MS4A1: variants seen among roughly 807,000 people sequenced by gnomAD.
The protein encoded by MS4A1 is membrane spanning 4-domains A1, also known as B-lymphocyte antigen CD20.
Under a neutral mutation model 26.5 loss-of-function variants are expected in MS4A1, and 16 were observed. That is an observed-to-expected ratio of 0.60 (90% CI 0.41 to 0.92). MS4A1 has a LOEUF of 0.92. MS4A1 is among the 40% of genes least tolerant of loss of function. MS4A1 has a pLI of 0.00. For synonymous variants in MS4A1, 128 were observed against 117.6 expected (o/e 1.09, Z -0.57); for missense variants, 350 against 353.0 (o/e 0.99, Z 0.07).
intron 1 of MS4A1, among the ~76,000 whole-genome samples, chr11:60,459,820 T>C (rs1187050766): frequency 6.6e-6 from 1 of 152,198 alleles, no homozygotes; most frequent in Non-Finnish European, 1.5e-5. Context: ...TGATTTATAG[T>C]CATTCACATA....
rs1013441981 is a variant in MS4A1, at chr11:60,468,655, C to T, written c.*187C>T. On this transcript the variant is annotated 3_prime_UTR_variant, in exon 8 of 8. Transcript: ENST00000345732. ...GTAGAGAATGTAGCCATTGTAGCAG[C>T]TTGTGTTGTCACGCTTCTTCTTTTG... 4.8e-6 allele frequency: 3 copies of T among 630,804 alleles called. No individual in the cohort carries two copies. The highest frequency in any genetic ancestry group is 5.6e-6 in the Non-Finnish European group (2 of 359,830). 39.1% of individuals were successfully genotyped at this position (630,804 alleles called of 1,614,324 possible).
chr11:60,462,978 C>G, intron 3 of MS4A1, 24 bp from the exon 4 acceptor site: 1 of 1,612,532 alleles, frequency 6.2e-7, no homozygotes, highest in Non-Finnish European at 8.5e-7. Context: ...AGCTCATCCA[C>G]TGCTGCCTCT....
chr11:60,458,333 G>C (rs1387564931), intron 1 of MS4A1: 3 of 152,214 alleles, frequency 2.0e-5, no homozygotes, highest in Admixed American at 2.0e-4. Context: ...AAACTTCTCA[G>C]TACATGATGG....
At chr11:60,457,586 T>C (rs910520555) in intron 1 of MS4A1, among the ~76,000 whole-genome samples, 1 of 152,196 alleles carries the variant, frequency 6.6e-6, no homozygotes, top group Non-Finnish European at 1.5e-5. Context: ...GGCCACTGAC[T>C]GACCAACAGC....
rs2086269664 is a variant in MS4A1 at position 60,463,946 on chromosome 11, A to G, written c.280-342A>G. Reference sequence around the variant, plus strand: ...AAGGGCAGTTCCACAAGTTAAAAACAAAGAAAAACTAGAAATAAAACTTTT... The same window carrying G: ...AAGGGCAGTTCCACAAGTTAAAAACGAAGAAAAACTAGAAATAAAACTTTT... On this transcript the variant is annotated intron_variant, in intron 4 of 7. Coordinates refer to ENST00000345732, the MANE Select transcript of MS4A1 (RefSeq NM_152866.3). 4 of 371,892 alleles carry G rather than the reference A, an allele frequency of 1.1e-5. No homozygotes were observed. In the Admixed American group the frequency reaches 1.5e-4, roughly 14 times the overall value. 23.0% of individuals were successfully genotyped at this position (371,892 alleles called of 1,614,324 possible). A position where few individuals can be genotyped will look rare whatever the true frequency, so the allele number is the denominator to read the frequency against.
At chr11:60,467,765 G>T (rs1307870284) in intron 7 of MS4A1, among the ~76,000 whole-genome samples, 1 of 151,920 alleles carries the variant, frequency 6.6e-6, no homozygotes, top group African/African-American at 2.4e-5. Context: ...CAAAACAACA[G>T]GTTAAAGGGC....
chr11:60,460,340 C>T (rs1160045225), intron 1 of MS4A1, among the ~76,000 whole-genome samples: 2 of 152,208 alleles, frequency 1.3e-5, no homozygotes, highest in African/African-American at 4.8e-5. Context: ...TTCTATAAAA[C>T]ACAGGTGATG....
intron 6 of MS4A1, 141 bp downstream of exon 6, chr11:60,466,298 C>T (rs773308150): frequency 1.3e-6 from 1 of 770,702 alleles, no homozygotes; most frequent in Non-Finnish European, 2.3e-6. Flanking sequence ...GAATTTTAAC[C>T]ACACTGTGCC....
chr11:60,459,799 T>C (rs1473283840), intron 1 of MS4A1, among the ~76,000 whole-genome samples: 1 of 152,194 alleles, frequency 6.6e-6, no homozygotes, highest in Non-Finnish European at 1.5e-5. Flanking sequence ...AGACAGATAA[T>C]ACTTTTCAAC....
rs917874598 is a variant in MS4A1 at position 60,462,400 on chromosome 11, A to C, written c.26A>C (p.Asn9Thr). 6.2e-7 allele frequency: 1 copy of C among 1,614,060 alleles called. No individual in the cohort carries two copies. The highest frequency in any genetic ancestry group is 8.5e-7 in the Non-Finnish European group (1 of 1,180,046). MTTPRNSV[N>T]GTFPAEPMKG... ...ATGACAACACCCAGAAATTCAGTAAATGGGACTTTCCCGGCAGAGCCAATG... is the reference window on the plus strand; with the variant it reads ...ATGACAACACCCAGAAATTCAGTAACTGGGACTTTCCCGGCAGAGCCAATG... Residue 9 changes from asparagine to threonine, a missense_variant, in exon 3 of 8, where the codon AAT becomes ACT. Asn to Thr is a moderately conservative substitution (Grantham distance 65). Transcript: ENST00000345732.
intron 7 of MS4A1, 96 bp downstream of exon 7, chr11:60,467,156 C>G: frequency 9.4e-7 from 1 of 1,065,464 alleles, no homozygotes; most frequent in Non-Finnish European, 1.4e-6. Flanking sequence ...GTTGTTGAAA[C>G]TAGGAGCTTG....
In MS4A1 at chr11:60,462,359, GA is replaced by G; in HGVS notation, c.-15del. 1 of 1,614,058 alleles carries G rather than the reference GA, an allele frequency of 6.2e-7. No individual in the cohort carries two copies. Among genetic ancestry groups the G allele is most frequent in the Non-Finnish European group, 8.5e-7 (1 of 1,179,952 alleles). On this transcript the variant is annotated 5_prime_UTR_variant, in exon 3 of 8. An upstream open reading frame in the 5' UTR gains an earlier in-frame stop. Transcript: ENST00000345732. The stretch of plus-strand genomic sequence containing the variant: ...ATTTTGTTATTTGTTTTATTTTTAG[GA>G]GTTTTGAGAGCAAAATGACAACACC...
chr11:60,468,373 A>G lies in MS4A1; in HGVS notation c.799A>G (p.Ile267Val). 1.2e-6 allele frequency: 2 copies of G among 1,614,162 alleles called. No homozygotes were observed. The highest frequency in any genetic ancestry group is 2.2e-5 in the East Asian group (1 of 44,874). Reference sequence around the variant, plus strand: ...TGAAGAAGACATTGAAATTATTCCAATCCAAGAAGAGGAAGAAGAAGAAAC... The same window carrying G: ...TGAAGAAGACATTGAAATTATTCCAGTCCAAGAAGAGGAAGAAGAAGAAAC... ...KNEEDIEIIP[I>V]QEEEEEETET... is the part of the protein sequence containing the mutation. The change falls in exon 8 of 8, where the codon ATC (isoleucine) becomes GTC (valine). Residue 267 changes from isoleucine to valine, a missense_variant. Ile to Val is a conservative substitution (Grantham distance 29, BLOSUM62 3). Coordinates refer to ENST00000345732, the MANE Select transcript of MS4A1 (RefSeq NM_152866.3).
In MS4A1 at chr11:60,469,371, A is replaced by T. The variant is rs182349761; in HGVS notation, c.*903A>T. Reference sequence around the variant, plus strand: ...GGCCAAATAACTTGTAAACAAGAAAAGGTAACTTGTCAACAGTCATAACTA... The same window carrying T: ...GGCCAAATAACTTGTAAACAAGAAATGGTAACTTGTCAACAGTCATAACTA... On this transcript the variant is annotated 3_prime_UTR_variant, in exon 8 of 8. Coordinates refer to ENST00000345732, the MANE Select transcript of MS4A1 (RefSeq NM_152866.3). 6.6e-6 allele frequency: 1 copy of T among 152,324 alleles called. No individual in the cohort carries two copies. The highest frequency in any genetic ancestry group is 1.9e-4 in the East Asian group (1 of 5,194). 9.4% of individuals were successfully genotyped at this position (152,324 alleles called of 1,614,324 possible).
At chr11:60,465,243 T>C (rs1174788966) in intron 5 of MS4A1, among the ~76,000 whole-genome samples, 2 of 152,270 alleles carry the variant, frequency 1.3e-5, no homozygotes, top group African/African-American at 2.4e-5. Flanking sequence ...TATATTTTCC[T>C]GTTTCAACCT....
chr11:60,456,098 A>G (rs971109870), intron 1 of MS4A1, among the ~76,000 whole-genome samples, 153 bp downstream of exon 1: 3 of 152,144 alleles, frequency 2.0e-5, no homozygotes, highest in Non-Finnish European at 2.9e-5. Context: ...GGGTGACGAT[A>G]TCAAGGCTTG....
At chr11:60,462,922 G>A (rs1270881870) in intron 3 of MS4A1, 80 bp from the exon 4 acceptor site, 1 of 1,598,480 alleles carries the variant, frequency 6.3e-7, no homozygotes, top group South Asian at 1.1e-5. Context: ...CAAGTCAGGA[G>A]CCAGAGCTTC....
At chr11:60,459,387 C>T (rs2086230051) in intron 1 of MS4A1, among the ~76,000 whole-genome samples, 1 of 152,210 alleles carries the variant, frequency 6.6e-6, no homozygotes, top group African/African-American at 2.4e-5. Context: ...AGTAGGTGCT[C>T]AGTAAACAAC....
At chr11:60,462,629 A>C (rs2086258042) in intron 3 of MS4A1, 96 bp downstream of exon 3, 1 of 1,512,954 alleles carries the variant, frequency 6.6e-7, no homozygotes, top group Non-Finnish European at 9.2e-7. Flanking sequence ...TCCAATTTGA[A>C]GAATTGGGAT....
Sources: allele counts gnomAD v4.1 joint callset (sites outside exome capture counted in the v4.1 genomes callset), GRCh38; gene constraint gnomAD v4.1.1; transcripts MANE v1.5; gene names NCBI Gene and HGNC (gene_info 2026-07-23, HGNC 2026-07-21).